Variants in PLCXD3 observed in about 807,000 individuals in gnomAD.
The protein encoded by PLCXD3 is PI-PLC X domain-containing protein 3.
PLCXD3 carries 19 observed loss-of-function variants against 25.5 expected under a neutral mutation model. That is an observed-to-expected ratio of 0.75 (90% CI 0.52 to 1.09). The LOEUF (loss-of-function observed/expected upper bound fraction) is 1.09, where lower values mean the gene tolerates loss of function less well. Among genes scored for constraint, PLCXD3 ranks in the 50% least tolerant of loss-of-function variants. The pLI, the probability that PLCXD3 is intolerant of heterozygous loss-of-function variation, is 0.00. For missense variants in PLCXD3, 411 were observed against 388.1 expected (o/e 1.06, Z -0.50); for synonymous variants, 174 against 137.6 (o/e 1.26, Z -1.85).
intron 2 of PLCXD3, among the ~76,000 whole-genome samples, chr5:41,329,676 G>A (rs1158649663): frequency 6.6e-6 from 1 of 151,608 alleles, no homozygotes; most frequent in Non-Finnish European, 1.5e-5. Context: ...GCCTTTCCTT[G>A]TGTTGTACAT....
intron 1 of PLCXD3, among the ~76,000 whole-genome samples, chr5:41,484,049 G>A (rs1287548509): frequency 6.6e-6 from 1 of 152,038 alleles, no homozygotes; most frequent in Non-Finnish European, 1.5e-5. Flanking sequence ...GAAGCAAAAA[G>A]GCATTAAGTG....
intron 1 of PLCXD3, among the ~76,000 whole-genome samples, chr5:41,476,146 C>G (rs917964073): frequency 6.6e-6 from 1 of 152,174 alleles, no homozygotes; most frequent in African/African-American, 2.4e-5. Context: ...ATAAGTTGAA[C>G]CATCCTAAGC....
At chr5:41,323,592 G>T (rs1267895700) in intron 2 of PLCXD3, among the ~76,000 whole-genome samples, 1 of 152,204 alleles carries the variant, frequency 6.6e-6, no homozygotes, top group Non-Finnish European at 1.5e-5. Context: ...GTGATTTAGA[G>T]ATTAGTTTGA....
chr5:41,371,208 T>C (rs1745085738), intron 2 of PLCXD3, among the ~76,000 whole-genome samples: 1 of 152,160 alleles, frequency 6.6e-6, no homozygotes, highest in Non-Finnish European at 1.5e-5. Flanking sequence ...ATGGACAGAC[T>C]AATTTATACT....
At chr5:41,466,248 A>C (rs994177189) in intron 1 of PLCXD3, among the ~76,000 whole-genome samples, 10 of 152,096 alleles carry the variant, frequency 6.6e-5, no homozygotes, top group Non-Finnish European at 1.0e-4. Flanking sequence ...TATGTAAGAA[A>C]ATTGAGCCCT....
intron 2 of PLCXD3, among the ~76,000 whole-genome samples, chr5:41,368,679 T>C (rs1745006350): frequency 6.6e-6 from 1 of 152,182 alleles, no homozygotes; most frequent in South Asian, 2.1e-4. Context: ...GGATTTGTCC[T>C]ATATGGCTCT....
intron 1 of PLCXD3, among the ~76,000 whole-genome samples, chr5:41,486,059 A>C (rs1448730393): frequency 6.6e-6 from 1 of 152,174 alleles, no homozygotes; most frequent in Non-Finnish European, 1.5e-5. Context: ...GGCAGGAAGA[A>C]TTCCATGGAA....
chr5:41,475,831 T>A, intron 1 of PLCXD3: 1 of 464,616 alleles, frequency 2.2e-6, no homozygotes. Context: ...GGGATGAACA[T>A]AGAAATGAAA....
chr5:41,371,835 A>T (rs546191474), intron 2 of PLCXD3, among the ~76,000 whole-genome samples: 97 of 152,292 alleles, frequency 6.4e-4, no homozygotes, highest in African/African-American at 2.2e-3. Flanking sequence ...TCTGGCCTGC[A>T]GGCCTCCTTC....
chr5:41,315,476 T>A (rs181800427), intron 2 of PLCXD3, among the ~76,000 whole-genome samples: 1 of 150,828 alleles, frequency 6.6e-6, no homozygotes. Context: ...ATTGGGAGGC[T>A]GAGCAAGATG....
chr5:41,486,852 C>G (rs1280623141), intron 1 of PLCXD3, among the ~76,000 whole-genome samples: 1 of 152,078 alleles, frequency 6.6e-6, no homozygotes, highest in Admixed American at 6.6e-5. Context: ...AAAATAGCAC[C>G]TCAGAGGGTA....
chr5:41,417,318 G>A (rs749319612), intron 1 of PLCXD3, among the ~76,000 whole-genome samples: 1 of 152,132 alleles, frequency 6.6e-6, no homozygotes, highest in East Asian at 1.9e-4. Flanking sequence ...ATTGCCATTG[G>A]GTGGATAAGG....
chr5:41,342,267 C>T (rs1355611417), intron 2 of PLCXD3, among the ~76,000 whole-genome samples: 6 of 152,128 alleles, frequency 3.9e-5, no homozygotes, highest in African/African-American at 1.4e-4. Context: ...TACTGCCTGC[C>T]AGGCACTGTG....
intron 2 of PLCXD3, among the ~76,000 whole-genome samples, chr5:41,317,022 C>T (rs1248357458): frequency 6.6e-6 from 1 of 152,186 alleles, no homozygotes; most frequent in African/African-American, 2.4e-5. Flanking sequence ...ACACAATAGC[C>T]AGGGACTGGT....
chr5:41,329,897 T>A (rs1399205399), intron 2 of PLCXD3, among the ~76,000 whole-genome samples: 1 of 151,070 alleles, frequency 6.6e-6, no homozygotes, highest in East Asian at 1.9e-4. Context: ...TAAATCCATG[T>A]CAAATTCTTT....
intron 2 of PLCXD3, among the ~76,000 whole-genome samples, chr5:41,340,478 C>T (rs1339200345): frequency 6.6e-6 from 1 of 152,144 alleles, no homozygotes; most frequent in East Asian, 1.9e-4. Context: ...CACCACTCCA[C>T]ACTGGAAATT....
chr5:41,460,902 C>T (rs1747858220), intron 1 of PLCXD3, among the ~76,000 whole-genome samples: 1 of 151,768 alleles, frequency 6.6e-6, no homozygotes, highest in African/African-American at 2.4e-5. Context: ...TTTCATGTCT[C>T]TGAAGCTATA....
chr5:41,431,660 C>A (rs977543919), intron 1 of PLCXD3, among the ~76,000 whole-genome samples: 1 of 152,084 alleles, frequency 6.6e-6, no homozygotes, highest in Non-Finnish European at 1.5e-5. Flanking sequence ...GTCCAATTAT[C>A]TGTTTTATTT....
chr5:41,462,865 T>C (rs1747924913), intron 1 of PLCXD3, among the ~76,000 whole-genome samples: 1 of 151,952 alleles, frequency 6.6e-6, no homozygotes, highest in South Asian at 2.1e-4. Context: ...AAACTGCCCA[T>C]TTTCTTTGTC....
Sources: gnomAD v4.1 joint callset for allele counts (sites outside exome capture counted in the v4.1 genomes callset) on GRCh38, gnomAD v4.1.1 for gene constraint, MANE v1.5 for transcripts, NCBI Gene and HGNC (gene_info 2026-07-23, HGNC 2026-07-21) for gene names.